Variants in ZSCAN32 observed in about 807,000 individuals in gnomAD.
The protein encoded by ZSCAN32 is zinc finger and SCAN domain containing 32.
A neutral mutation model predicts 47.4 loss-of-function variants in ZSCAN32; 52 were observed. The observed-to-expected ratio is 1.10, with a 90% CI of 0.88 to 1.38. ZSCAN32 has a LOEUF of 1.38. Among genes scored for constraint, ZSCAN32 ranks in the 40% most tolerant of loss-of-function variants. The pLI is 0.00. For synonymous variants in ZSCAN32, 346 were observed against 305.7 expected, an observed-to-expected ratio of 1.13 and a Z score of -1.38; for missense variants, 959 against 846.0, an observed-to-expected ratio of 1.13 and a Z score of -1.66.
At chr16:3,389,612 T>C (rs2032427669) in intron 5 of ZSCAN32, among the ~76,000 whole-genome samples, 2 of 152,132 alleles carry the variant, frequency 1.3e-5, no homozygotes, top group East Asian at 1.9e-4. Flanking sequence ...GGTGGTTTTA[T>C]TTGTTAATCT....
rs527368311 is a variant in ZSCAN32, at chr16:3,390,608, T to G, written c.533-91A>C. On this transcript the variant is annotated intron_variant, in intron 3 of 6. Coordinates refer to ENST00000396852, the MANE Select transcript of ZSCAN32 (RefSeq NM_001284527.2). Reference sequence around the variant, plus strand: ...AAAGTGGGCTCCTGGGCCAGCCGCATCAGCAGCCCCTGGCAACCCATCAGA... The same window carrying G: ...AAAGTGGGCTCCTGGGCCAGCCGCAGCAGCAGCCCCTGGCAACCCATCAGA... 1.0e-4 allele frequency: 103 copies of G among 1,018,434 alleles called. 3 individuals are homozygous for G. The South Asian group carries it at 1.6e-3, about 16-fold the overall frequency. The allele number at this position is 1,018,434 out of a possible 1,614,324, so 63.1% of individuals were successfully genotyped here. A position where few individuals can be genotyped will look rare whatever the true frequency, so the allele number is the denominator to read the frequency against.
chr16:3,399,500 A>G (rs1360363845), intron 1 of ZSCAN32, among the ~76,000 whole-genome samples: 1 of 152,204 alleles, frequency 6.6e-6, no homozygotes, highest in Non-Finnish European at 1.5e-5. Flanking sequence ...TCTTGACAAC[A>G]TGTTTGGATC....
rs191394085 is a variant in ZSCAN32, at chr16:3,397,534, G to C, written c.24C>G (p.Thr8=). 3 of 1,545,754 alleles carry C rather than the reference G, an allele frequency of 1.9e-6. No individual in the cohort carries two copies. Among genetic ancestry groups the C allele is most frequent in the Non-Finnish European group, 2.6e-6 (3 of 1,143,704 alleles). The change falls in exon 2 of 7, where the codon ACC becomes ACG. Residue 8 remains threonine (T), a synonymous_variant. Transcript: ENST00000396852. The part of the protein sequence containing the change: MMAAVKS[T]EAHPSSNKDP... ...CCTTGTTTGAGGATGGGTGTGCCTCGGTACTCTTCACTGCAGCCATCATTT... is the reference window on the plus strand; with the variant it reads ...CCTTGTTTGAGGATGGGTGTGCCTCCGTACTCTTCACTGCAGCCATCATTT...
chr16:3,400,751 AC>A (rs2033824846), intron 1 of ZSCAN32, among the ~76,000 whole-genome samples, 193 bp downstream of exon 1: 2 of 152,132 alleles, frequency 1.3e-5, no homozygotes, highest in Non-Finnish European at 2.9e-5. Context: ...GGTGATCCGC[AC>A]GGTGGGAGCG....
In ZSCAN32 at chr16:3,383,793, T is replaced by C. The variant is rs550447828; in HGVS notation, c.1235-82A>G. On this transcript the variant is annotated intron_variant, in intron 6 of 6. Transcript: ENST00000396852. ...AATGCAAAGTTATAACTATACTACG[T>C]AGAAGAAATATCTAATTGAAATTCT... The C allele has an allele frequency of 2.5e-4, 329 of 1,339,282 alleles. 1 individual carries two copies. Among genetic ancestry groups the C allele is most frequent in the Non-Finnish European group, 2.8e-4 (281 of 1,009,680 alleles). The allele number at this position is 1,339,282 out of a possible 1,614,324, so 83.0% of individuals were successfully genotyped here.
intron 3 of ZSCAN32, among the ~76,000 whole-genome samples, chr16:3,392,226 G>T (rs1335196263): frequency 1.3e-5 from 2 of 152,176 alleles, no homozygotes; most frequent in African/African-American, 4.8e-5. Context: ...TGTTTAATGG[G>T]TACAGGGTTT....
intron 5 of ZSCAN32, 24 bp from the exon 6 acceptor site, chr16:3,384,965 T>C (rs2031775304): frequency 6.2e-7 from 1 of 1,600,272 alleles, no homozygotes; most frequent in Non-Finnish European, 8.5e-7. Flanking sequence ...AATAGGTCAA[T>C]TAGATCTGTC....
Position 3,393,814 on chromosome 16 carries a change from C to A in ZSCAN32, c.367G>T (p.Val123Phe), listed in dbSNP as rs1484580728. ...EDVQRAPGQQ[V>F]LDSEKDLKVL... is the part of the protein sequence containing the mutation. ...TTCAAGTCCTTCTCAGAATCTAGAA[C>A]CTGAGAACAGACCCCATTATCTATC... Residue 123 changes from valine (V) to phenylalanine (F), a missense_variant and splice_region_variant, in exon 3 of 7, where the codon GTT (valine) becomes TTT (phenylalanine). Physicochemically the swap from Val to Phe is conservative, Grantham distance 50 (BLOSUM62 -1). Transcript: ENST00000396852. The A allele has an allele frequency of 6.5e-7, 1 of 1,547,356 alleles. No homozygotes were observed. The highest frequency in any genetic ancestry group is 2.0e-5 in the Admixed American group (1 of 50,848).
Position 3,390,050 on chromosome 16 carries a change from G to A in ZSCAN32, c.711C>T (p.Tyr237=). The change falls in exon 5 of 7, where the codon TAC becomes TAT. Residue 237 remains tyrosine (Y), a synonymous_variant. Transcript: ENST00000396852. ...MCPGPAQRAL[Y]RGATQRKDSH... is the part of the protein sequence containing the mutation. The stretch of plus-strand genomic sequence containing the variant: ...TGTCCTTCCTCTGGGTGGCACCCCT[G>A]TAGAGGGCCCTTTGTGCAGGGCCTG... The A allele has an allele frequency of 6.4e-7, 1 of 1,570,204 alleles. No individual in the cohort carries two copies. The highest frequency in any genetic ancestry group is 8.7e-7 in the Non-Finnish European group (1 of 1,147,566).
intron 5 of ZSCAN32, among the ~76,000 whole-genome samples, chr16:3,389,777 C>T (rs558536249): frequency 6.6e-5 from 10 of 152,188 alleles, no homozygotes; most frequent in Non-Finnish European, 1.3e-4. Context: ...TTTGCTTCTC[C>T]ACCGCCTCAC....
chr16:3,388,110 G>A (rs1334758264), intron 5 of ZSCAN32, among the ~76,000 whole-genome samples: 2 of 152,174 alleles, frequency 1.3e-5, no homozygotes, highest in East Asian at 1.9e-4. Flanking sequence ...AAATGCAACC[G>A]AATAGTGCAG....
At position 3,390,033 on chromosome 16, in the gene ZSCAN32, C is replaced by T. The variant is rs370503715; in HGVS notation, c.728G>A (p.Arg243Lys). 29 of 1,613,326 alleles carry T rather than the reference C, an allele frequency of 1.8e-5. No homozygotes were observed. Among genetic ancestry groups the T allele is most frequent in the Non-Finnish European group, 2.4e-5 (28 of 1,179,742 alleles). ...QRALYRGATQRKDSHVSLATG... is the reference protein window; with the variant it reads ...QRALYRGATQKKDSHVSLATG... ...ACCCAGCGAGACGTGACTGTCCTTC[C>T]TCTGGGTGGCACCCCTGTAGAGGGC... The change falls in exon 5 of 7, where the codon AGG becomes AAG. Residue 243 changes from arginine to lysine, a missense_variant. Coordinates refer to ENST00000396852, the MANE Select transcript of ZSCAN32 (RefSeq NM_001284527.2).
intron 6 of ZSCAN32, chr16:3,384,221 A>T (rs2031644781): frequency 1.6e-6 from 1 of 607,616 alleles, no homozygotes; most frequent in Non-Finnish European, 2.9e-6. Flanking sequence ...TGCATAGTGA[A>T]ACTCCATGGG....
intron 2 of ZSCAN32, among the ~76,000 whole-genome samples, chr16:3,396,770 T>C (rs942598704): frequency 6.6e-6 from 1 of 152,180 alleles, no homozygotes. Flanking sequence ...CATCAAGAAC[T>C]AGAGCAAGGC....
Position 3,390,136 on chromosome 16 carries a change from G to C in ZSCAN32, c.628-3C>G. On this transcript the variant is annotated splice_region_variant and splice_polypyrimidine_tract_variant and intron_variant, in intron 4 of 6. Transcript: ENST00000396852. ...CTGTTGTCACGCATGGCTGGTCCCT[G>C]TAACAACACTGGAGCTGCTGCTACC... 6.2e-7 allele frequency: 1 copy of C among 1,606,116 alleles called. No individual in the cohort carries two copies. Among genetic ancestry groups the C allele is most frequent in the Non-Finnish European group, 8.5e-7 (1 of 1,176,172 alleles).
At chr16:3,394,250 A>G (rs1392630215) in intron 2 of ZSCAN32, among the ~76,000 whole-genome samples, 3 of 152,204 alleles carry the variant, frequency 2.0e-5, no homozygotes, top group African/African-American at 2.4e-5. Flanking sequence ...TGGACAACAC[A>G]GCAAGACTCT....
At chr16:3,393,577 A>C (rs776060344) in intron 3 of ZSCAN32, 72 bp downstream of exon 3, 9 of 1,389,432 alleles carry the variant, frequency 6.5e-6, no homozygotes, top group Non-Finnish European at 7.6e-6. Context: ...GGGTGGACTC[A>C]GTTCAGACCT....
At chr16:3,398,011 G>A (rs1047141910) in intron 1 of ZSCAN32, among the ~76,000 whole-genome samples, 2 of 152,176 alleles carry the variant, frequency 1.3e-5, no homozygotes, top group African/African-American at 4.8e-5. Flanking sequence ...TCCTGGGTGT[G>A]GGCCAAGCTA....
intron 6 of ZSCAN32, chr16:3,383,916 C>G (rs755480070): frequency 2.1e-5 from 13 of 605,392 alleles, no homozygotes; most frequent in African/African-American, 5.7e-5. Context: ...GCCCTAAACT[C>G]CAACTTTTCT....
Sources: gnomAD v4.1 joint callset for allele counts (sites outside exome capture counted in the v4.1 genomes callset) on GRCh38, gnomAD v4.1.1 for gene constraint, MANE v1.5 for transcripts, NCBI Gene and HGNC (gene_info 2026-07-23, HGNC 2026-07-21) for gene names.